Variants in CENPF observed in about 807,000 individuals in gnomAD.
CENPF encodes the protein AH antigen.
In CENPF, 214 loss-of-function variants were observed where a neutral mutation model predicts 307.3. The observed-to-expected ratio is 0.70, with a 90% CI of 0.62 to 0.78. The LOEUF (loss-of-function observed/expected upper bound fraction) is 0.78, where lower values mean the gene tolerates loss of function less well. CENPF is among the 30% of genes least tolerant of loss of function. The probability of loss-of-function intolerance (pLI) is 0.00; values close to 1 mark genes in which losing one functional copy is unlikely to be tolerated. For synonymous variants in CENPF, 1,259 were observed against 1,270.6 expected (o/e 0.99, Z 0.19); for missense variants, 3,401 against 3,483.9 (o/e 0.98, Z 0.60).
chr1:214,613,315 A>G lies in CENPF; in HGVS notation c.-41-399A>G, dbSNP rs149962514. On this transcript the variant is annotated intron_variant, in intron 1 of 19. Coordinates refer to ENST00000366955, the MANE Select transcript of CENPF (RefSeq NM_016343.4). ...ACACCAGCTAACTATGCCACCTCCT[A>G]CCTTTTTCTGGCCTTCTTCGAGTTC... 253 of 254,852 alleles carry G rather than the reference A, an allele frequency of 9.9e-4. 1 individual carries two copies. The highest frequency in any genetic ancestry group is 5.5e-3 in the Middle Eastern group (3 of 548). 15.8% of individuals were successfully genotyped at this position (254,852 alleles called of 1,614,324 possible).
chr1:214,660,039 T>C (rs1246341686), intron 19 of CENPF, among the ~76,000 whole-genome samples: 1 of 152,230 alleles, frequency 6.6e-6, no homozygotes, highest in African/African-American at 2.4e-5. Context: ...AAGCACGTTC[T>C]TAGGATTTGG....
intron 3 of CENPF, among the ~76,000 whole-genome samples, chr1:214,617,081 C>G (rs1469495623): frequency 6.7e-6 from 1 of 149,942 alleles, no homozygotes; most frequent in Non-Finnish European, 1.5e-5. Context: ...AAGTCTTGCT[C>G]TGTTGCCCAG....
intron 1 of CENPF, among the ~76,000 whole-genome samples, chr1:214,610,953 T>C (rs889877035): frequency 1.3e-5 from 2 of 152,178 alleles, no homozygotes; most frequent in African/African-American, 4.8e-5. Flanking sequence ...TTCCCCATTG[T>C]TTGTTTTTGT....
Position 214,645,744 on chromosome 1 carries a change from T to C in CENPF, c.6174T>C (p.Ile2058=). The part of the protein sequence containing the change: ...SLTKCELENQ[I]AQLNKEKELL... Reference sequence around the variant, plus strand: ...CAAAATGTGAGCTGGAAAACCAAATTGCACAACTGAATAAAGAGAAAGAAT... The same window carrying C: ...CAAAATGTGAGCTGGAAAACCAAATCGCACAACTGAATAAAGAGAAAGAAT... Residue 2058 remains isoleucine (I), a synonymous_variant, in exon 13 of 20, where the codon ATT becomes ATC. Coordinates refer to ENST00000366955, the MANE Select transcript of CENPF (RefSeq NM_016343.4). 1 of 1,614,110 alleles carries C rather than the reference T, an allele frequency of 6.2e-7. No homozygotes were observed. Among genetic ancestry groups the C allele is most frequent in the Non-Finnish European group, 8.5e-7 (1 of 1,180,036 alleles).
At chr1:214,627,788 A>G (rs1466198245) in intron 7 of CENPF, among the ~76,000 whole-genome samples, 2 of 152,198 alleles carry the variant, frequency 1.3e-5, no homozygotes, top group Non-Finnish European at 2.9e-5. Context: ...CTTGTCCCTA[A>G]GGATAGTATG....
chr1:214,621,941 A>C, intron 6 of CENPF, 138 bp from the exon 7 acceptor site: 1 of 672,600 alleles, frequency 1.5e-6, no homozygotes, highest in African/African-American at 1.8e-5. Flanking sequence ...AATTAAATCC[A>C]ATTAAAGTAG....
Position 214,648,812 on chromosome 1 carries a change from A to G in CENPF, c.7968A>G (p.Glu2656=). 6.2e-7 allele frequency: 1 copy of G among 1,613,606 alleles called. No individual in the cohort carries two copies. ...GAGAGTTGCAGTTACTGTTGGAAGA[A>G]ATAAAGAGCAGCAAAGTAAGTTTCT... The part of the protein sequence containing the change: ...LAGELQLLLE[E]IKSSKDQLKE... The change falls in exon 14 of 20, where the codon GAA becomes GAG. Residue 2656 remains glutamate (E), a synonymous_variant. Transcript: ENST00000366955.
rs940581672 is a variant in CENPF, at chr1:214,622,353, T to C, written c.1068+72T>C. 8 of 1,216,126 alleles carry C rather than the reference T, an allele frequency of 6.6e-6. No homozygotes were observed. In the African/African-American group the frequency reaches 9.3e-5, roughly 14 times the overall value. The allele number at this position is 1,216,126 out of a possible 1,614,324, so 75.3% of individuals were successfully genotyped here. ...ACAATTATTTAGAAAGAGTATTTTA[T>C]ACATAAGTTTATGAAATGTCAGTAA... is the stretch of plus-strand genomic sequence containing the variant. On this transcript the variant is annotated intron_variant, in intron 7 of 19. Coordinates refer to ENST00000366955, the MANE Select transcript of CENPF (RefSeq NM_016343.4).
Position 214,613,717 on chromosome 1 carries a change from A to G in CENPF, c.-38A>G. 2 of 1,548,300 alleles carry G rather than the reference A, an allele frequency of 1.3e-6. No homozygotes were observed. The highest frequency in any genetic ancestry group is 8.7e-7 in the Non-Finnish European group (1 of 1,149,982). ...ACAGTCTGGTTATTCTTTTCAGTTTATTTACAAATGTTGGAGTAATAAAGA... is the reference window on the plus strand; with the variant it reads ...ACAGTCTGGTTATTCTTTTCAGTTTGTTTACAAATGTTGGAGTAATAAAGA... On this transcript the variant is annotated 5_prime_UTR_variant, in exon 2 of 20. Transcript: ENST00000366955.
intron 11 of CENPF, among the ~76,000 whole-genome samples, chr1:214,638,203 A>G (rs1270904332): frequency 1.3e-5 from 2 of 151,996 alleles, no homozygotes; most frequent in African/African-American, 4.8e-5. Flanking sequence ...TTTTAATTGG[A>G]ACATATTGAG....
rs1383898987 is a variant in CENPF at position 214,657,294 on chromosome 1, C to A, written c.8847C>A (p.Thr2949=). The change falls in exon 18 of 20, where the codon ACC becomes ACA. Residue 2949 remains threonine (T), a synonymous_variant. Transcript: ENST00000366955. ...WENGRGPTPA[T]PESFSKKSKK... is the part of the protein sequence containing the mutation. ...ATGGTAGAGGACCAACACCTGCTACCCCAGAGAGCTTTTCTAAAAAAAGCA... is the reference window on the plus strand; with the variant it reads ...ATGGTAGAGGACCAACACCTGCTACACCAGAGAGCTTTTCTAAAAAAAGCA... 1.2e-6 allele frequency: 2 copies of A among 1,613,986 alleles called. No homozygotes were observed. The highest frequency in any genetic ancestry group is 1.7e-5 in the Admixed American group (1 of 60,012).
rs776731305 is a variant in CENPF at position 214,640,846 on chromosome 1, A to C, written c.2508A>C (p.Glu836Asp). Residue 836 changes from glutamate to aspartate, a missense_variant, in exon 12 of 20, where the codon GAA becomes GAC. By Grantham distance (45) the Glu-to-Asp change is conservative. Transcript: ENST00000366955. ...TACAAAATAGAGTTGATTCACTTGA[A>C]TTTTCATTAGAGTCTCAAAAACAGA... ...AILQNRVDSL[E>D]FSLESQKQMN... The C allele has an allele frequency of 3.6e-5, 58 of 1,600,334 alleles. No individual in the cohort carries two copies. Among genetic ancestry groups the C allele is most frequent in the Non-Finnish European group, 4.8e-5 (57 of 1,175,420 alleles).
rs2102574082 is a variant in CENPF at position 214,651,837 on chromosome 1, A to G, written c.8111A>G (p.His2704Arg). 1.2e-6 allele frequency: 2 copies of G among 1,611,246 alleles called. No homozygotes were observed. Among genetic ancestry groups the G allele is most frequent in the African/African-American group, 1.3e-5 (1 of 74,772 alleles). Residue 2704 changes from histidine (H) to arginine (R), a missense_variant, in exon 15 of 20, where the codon CAT becomes CGT. His to Arg is a conservative substitution (Grantham distance 29). Transcript: ENST00000366955. Reference sequence around the variant, plus strand: ...ATAGCTGAATATCAGCTACGGCTTCATGAAGCTGAAAAGAAACACCAGGCT... The same window carrying G: ...ATAGCTGAATATCAGCTACGGCTTCGTGAAGCTGAAAAGAAACACCAGGCT... ...EEIAEYQLRL[H>R]EAEKKHQALL...
rs200941247 is a variant in CENPF at position 214,659,048 on chromosome 1, C to T, written c.9141+20C>T. On this transcript the variant is annotated intron_variant, in intron 19 of 19. Transcript: ENST00000366955. The surrounding 1 kb of genome is among the most constrained non-coding windows in gnomAD (Gnocchi z 4.4). ...CAAAAGGTAAACTACTGTCAACATC[C>T]GTCTACTGTTTGAGATCCAGAAAAT... is the stretch of plus-strand genomic sequence containing the variant. The T allele has an allele frequency of 7.8e-5, 125 of 1,612,658 alleles. No homozygotes were observed. The East Asian group carries it at 2.2e-3, about 28-fold the overall frequency.
chr1:214,607,537 C>T (rs958604370), intron 1 of CENPF, among the ~76,000 whole-genome samples: 27 of 152,186 alleles, frequency 1.8e-4, no homozygotes, highest in African/African-American at 2.7e-4. Flanking sequence ...ACCAAGGCAA[C>T]GAGGACCCCA....
intron 15 of CENPF, 98 bp from the exon 16 acceptor site, chr1:214,652,730 A>T (rs1443060351): frequency 7.4e-6 from 8 of 1,079,280 alleles, no homozygotes; most frequent in Non-Finnish European, 1.0e-5. Context: ...GGTGTGAAAC[A>T]CTGCGCCCAG....
Position 214,642,545 on chromosome 1 carries a change from C to T in CENPF, c.4207C>T (p.His1403Tyr), listed in dbSNP as rs146731847. 6.3e-5 allele frequency: 102 copies of T among 1,611,764 alleles called. No individual in the cohort carries two copies. The African/African-American group carries it at 1.2e-3, about 19-fold the overall frequency. ...ATTGTCAGACAAAGAAGTTCAAATG[C>T]ACTTTGCCGAATTGCAAGAGAAATT... is the stretch of plus-strand genomic sequence containing the variant. ...LTLSDKEVQM[H>Y]FAELQEKFLS... The change falls in exon 12 of 20, where the codon CAC becomes TAC. Residue 1403 changes from histidine to tyrosine, a missense_variant. His to Tyr is a moderately conservative substitution (Grantham distance 83, BLOSUM62 2). Coordinates refer to ENST00000366955, the MANE Select transcript of CENPF (RefSeq NM_016343.4).
Position 214,657,080 on chromosome 1 carries a change from A to G in CENPF, c.8633A>G (p.Lys2878Arg), listed in dbSNP as rs1210364952. The change falls in exon 18 of 20, where the codon AAA becomes AGA. Residue 2878 changes from lysine (K) to arginine (R), a missense_variant. Physicochemically the swap from Lys to Arg is conservative, Grantham distance 26. Transcript: ENST00000366955. ...AGCCATGAAAAGTTAGAGAAAGCTAAAGAGATGTTAGAGACACAAGTGGCC... is the reference window on the plus strand; with the variant it reads ...AGCCATGAAAAGTTAGAGAAAGCTAGAGAGATGTTAGAGACACAAGTGGCC... ...LISHEKLEKA[K>R]EMLETQVAHL... 6.2e-7 allele frequency: 1 copy of G among 1,614,204 alleles called. No individual in the cohort carries two copies. The highest frequency in any genetic ancestry group is 8.5e-7 in the Non-Finnish European group (1 of 1,180,028).
chr1:214,629,096 T>C lies in CENPF; in HGVS notation c.1119T>C (p.Cys373=). 1.2e-6 allele frequency: 2 copies of C among 1,612,022 alleles called. No homozygotes were observed. The highest frequency in any genetic ancestry group is 2.7e-5 in the African/African-American group (2 of 74,930). Reference sequence around the variant, plus strand: ...AAAAATTGACGGAAGATTTGAGTTGTCAGCGACAAAATGCAGAAAGTGCCA... The same window carrying C: ...AAAAATTGACGGAAGATTTGAGTTGCCAGCGACAAAATGCAGAAAGTGCCA... ...KLKKLTEDLS[C]QRQNAESARC... The change falls in exon 8 of 20, where the codon TGT becomes TGC. Residue 373 remains cysteine, a synonymous_variant. Transcript: ENST00000366955.
Sources: allele counts gnomAD v4.1 joint callset (sites outside exome capture counted in the v4.1 genomes callset), GRCh38; gene constraint gnomAD v4.1.1; non-coding constraint Gnocchi (gnomAD v3.1); transcripts MANE v1.5; gene names NCBI Gene and HGNC (gene_info 2026-07-23, HGNC 2026-07-21).